The following OXR1 variants were observed in gnomAD, a reference collection of about 807,000 sequenced individuals.
OXR1 encodes oxidation resistance 1.
A neutral mutation model predicts 104.6 loss-of-function variants in OXR1; 41 were observed. That is an observed-to-expected ratio of 0.39 (90% CI 0.31 to 0.51). The LOEUF (loss-of-function observed/expected upper bound fraction) is 0.51. Ranked by LOEUF, OXR1 falls within the 20% of genes least tolerant of loss-of-function variation. OXR1 has a pLI of 0.77. For missense variants in OXR1, 955 were observed against 1,031.9 expected (o/e 0.93, Z 1.02); for synonymous variants, 348 against 348.4 (o/e 1.00, Z 0.01).
At chr8:106,644,592 G>A (rs1011382211) in intron 3 of OXR1, among the ~76,000 whole-genome samples, 3 of 152,168 alleles carry the variant, frequency 2.0e-5, no homozygotes, top group East Asian at 1.9e-4. Context: ...TAGCTGTACC[G>A]TCCTGTGCAC....
intron 2 of OXR1, among the ~76,000 whole-genome samples, chr8:106,468,168 G>A (rs765811177): frequency 4.0e-5 from 6 of 151,810 alleles, no homozygotes; most frequent in Non-Finnish European, 8.8e-5. Context: ...AGGTCTTGGA[G>A]AGAACAGCCA....
intron 2 of OXR1, among the ~76,000 whole-genome samples, chr8:106,464,049 T>C (rs1486306377): frequency 1.3e-5 from 2 of 151,404 alleles, no homozygotes; most frequent in Admixed American, 6.6e-5. Flanking sequence ...ACTTACCTAT[T>C]TTTTTCTGTT....
intron 6 of OXR1, among the ~76,000 whole-genome samples, chr8:106,689,190 A>G (rs1303988391): frequency 6.6e-6 from 1 of 152,104 alleles, no homozygotes; most frequent in Non-Finnish European, 1.5e-5. Flanking sequence ...AAACTTGTAG[A>G]GGAGAATCAT....
rs114447195 is a variant in OXR1, at chr8:106,512,812, A to C, written c.24-6131A>C. Reference sequence around the variant, plus strand: ...GAGAGGAAAAGGGAAGATAAGACAAAAAAAGTAAGACAAGTGATAAATAAT... The same window carrying C: ...GAGAGGAAAAGGGAAGATAAGACAACAAAAGTAAGACAAGTGATAAATAAT... On this transcript the variant is annotated intron_variant, in intron 2 of 16. Transcript: ENST00000517566. Among the ~76,000 whole-genome samples, 734 of 152,250 alleles carry C rather than the reference A, an allele frequency of 4.8e-3. 8 individuals are homozygous for C. The highest frequency in any genetic ancestry group is 0.017 in the African/African-American group (710 of 41,548).
chr8:106,300,169 A>G (rs1470590025), intron 1 of OXR1, among the ~76,000 whole-genome samples: 1 of 152,190 alleles, frequency 6.6e-6, no homozygotes, highest in Non-Finnish European at 1.5e-5. Context: ...CATCATCTCT[A>G]TCTAGAAAGG....
At chr8:106,730,879 T>G (rs1323157392) in intron 11 of OXR1, among the ~76,000 whole-genome samples, 1 of 151,312 alleles carries the variant, frequency 6.6e-6, no homozygotes, top group African/African-American at 2.4e-5. Flanking sequence ...AGACCTTGTC[T>G]TTAAAAAAAA....
At chr8:106,582,680 A>T (rs1347763419) in intron 3 of OXR1, among the ~76,000 whole-genome samples, 1 of 152,208 alleles carries the variant, frequency 6.6e-6, no homozygotes, top group East Asian at 1.9e-4. Context: ...GTAGTGAAAA[A>T]AGCTTATTAA....
intron 1 of OXR1, among the ~76,000 whole-genome samples, chr8:106,349,166 A>G (rs973996248): frequency 6.6e-6 from 1 of 152,152 alleles, no homozygotes; most frequent in African/African-American, 2.4e-5. Flanking sequence ...ATTTAAAAAA[A>G]TTAGGGTGAT....
At chr8:106,344,482 C>T (rs970209652) in intron 1 of OXR1, among the ~76,000 whole-genome samples, 2 of 152,088 alleles carry the variant, frequency 1.3e-5, no homozygotes, top group Non-Finnish European at 2.9e-5. Flanking sequence ...GGACTACAGG[C>T]GCGTGCCACC....
intron 3 of OXR1, among the ~76,000 whole-genome samples, chr8:106,559,945 G>A (rs1816558672): frequency 6.6e-6 from 1 of 152,120 alleles, no homozygotes; most frequent in South Asian, 2.1e-4. Context: ...TGTCAAGTGG[G>A]ACAAAAACCT....
chr8:106,316,975 A>AT (rs1168157727), intron 1 of OXR1, among the ~76,000 whole-genome samples: 1 of 151,990 alleles, frequency 6.6e-6, no homozygotes, highest in Non-Finnish European at 1.5e-5. Flanking sequence ...GGTTCAAGTG[A>AT]TTCTCCTGCC....
At chr8:106,584,689 A>G (rs746920226) in intron 3 of OXR1, among the ~76,000 whole-genome samples, 2 of 152,152 alleles carry the variant, frequency 1.3e-5, no homozygotes, top group Non-Finnish European at 2.9e-5. Flanking sequence ...ATTTTCATAT[A>G]TGCACATTTT....
At chr8:106,725,391 A>G (rs1833234985) in intron 11 of OXR1, among the ~76,000 whole-genome samples, 1 of 152,168 alleles carries the variant, frequency 6.6e-6, no homozygotes. Flanking sequence ...AAATTTTCAA[A>G]TGTATCATCA....
chr8:106,364,336 T>A (rs1166637435), intron 2 of OXR1, among the ~76,000 whole-genome samples: 1 of 152,218 alleles, frequency 6.6e-6, no homozygotes, highest in Non-Finnish European at 1.5e-5. Context: ...TCCCAGTACA[T>A]TGGGAGGCCG....
Position 106,456,194 on chromosome 8 carries a change from A to G in OXR1, c.24-62749A>G, listed in dbSNP as rs368922757. 2.6e-5 allele frequency among the ~76,000 whole-genome samples: 4 copies of G among 152,204 alleles called. No individual in the cohort carries two copies. The East Asian group carries it at 5.8e-4, about 22-fold the overall frequency. ...CACTCAGAGAGATGTGAGTCACCAT[A>G]GGTCACCCAGAGGATGAAGATATAG... On this transcript the variant is annotated intron_variant, in intron 2 of 16. Transcript: ENST00000517566.
intron 7 of OXR1, among the ~76,000 whole-genome samples, chr8:106,693,477 T>C (rs1829522563): frequency 7.0e-6 from 1 of 143,748 alleles, no homozygotes; most frequent in Non-Finnish European, 1.5e-5. Flanking sequence ...TCAGCCAGGC[T>C]GGAGTGCAAT....
chr8:106,599,126 A>C (rs992330966), intron 3 of OXR1, among the ~76,000 whole-genome samples: 3 of 152,218 alleles, frequency 2.0e-5, no homozygotes, highest in Admixed American at 6.5e-5. Context: ...GCTGAAAGGC[A>C]AATGTGAGGA....
intron 3 of OXR1, among the ~76,000 whole-genome samples, chr8:106,628,516 T>C (rs1822375044): frequency 6.6e-6 from 1 of 152,210 alleles, no homozygotes; most frequent in African/African-American, 2.4e-5. Flanking sequence ...GATGCTTTTA[T>C]AGATTTTACT....
chr8:106,647,064 T>G (rs1824144581), intron 3 of OXR1, among the ~76,000 whole-genome samples: 1 of 152,202 alleles, frequency 6.6e-6, no homozygotes, highest in Admixed American at 6.5e-5. Flanking sequence ...AATTCTATGG[T>G]AAGTTGATGT....
Sources: allele counts gnomAD v4.1 joint callset (sites outside exome capture counted in the v4.1 genomes callset), GRCh38; gene constraint gnomAD v4.1.1; transcripts MANE v1.5; gene names NCBI Gene and HGNC (gene_info 2026-07-23, HGNC 2026-07-21).